Variants in ROCK2 observed in about 807,000 individuals in gnomAD.
ROCK2 encodes Rho associated coiled-coil containing protein kinase 2.
ROCK2 carries 61 observed loss-of-function variants against 195.1 expected under a neutral mutation model. The ratio of observed to expected loss-of-function variants is 0.31; its 90% CI spans 0.25 to 0.39. The LOEUF is 0.39. ROCK2 is among the 10% of genes least tolerant of loss of function. ROCK2 has a pLI of 1.00. For synonymous variants in ROCK2, 504 were observed against 545.5 expected (o/e 0.92, Z 1.06); for missense variants, 1,109 against 1,637.4 (o/e 0.68, Z 5.57).
intron 23 of ROCK2, among the ~76,000 whole-genome samples, chr2:11,199,734 T>A (rs1663785098): frequency 6.6e-6 from 1 of 152,232 alleles, no homozygotes; most frequent in Admixed American, 6.5e-5. Context: ...ATGTAATAGT[T>A]CCATCTTCTA....
chr2:11,197,792 A>C lies in ROCK2; in HGVS notation c.3100-87T>G. ...AGTATCTCATCAAGAGCAACAAGTT[A>C]TACAATCACAAATACTCTCCTTCCC... On this transcript the variant is annotated intron_variant, in intron 25 of 32. Transcript: ENST00000315872. The surrounding 1 kb of genome is among the most constrained non-coding windows in gnomAD (Gnocchi z 4.9). 2.3e-6 allele frequency: 2 copies of C among 860,946 alleles called. No homozygotes were observed. The highest frequency in any genetic ancestry group is 3.2e-6 in the Non-Finnish European group (2 of 619,052). The allele number at this position is 860,946 out of a possible 1,614,324, so 53.3% of individuals were successfully genotyped here.
chr2:11,201,922 A>G lies in ROCK2; in HGVS notation c.2619+130T>C. On this transcript the variant is annotated intron_variant, in intron 21 of 32. Coordinates refer to ENST00000315872, the MANE Select transcript of ROCK2 (RefSeq NM_004850.5). The surrounding 1 kb of genome is among the most constrained non-coding windows in gnomAD (Gnocchi z 4.6). ...TTAGAATTATTTTTCTAGCAATGATAATAAATTTCTCTTAAACTATCTACA... is the reference window on the plus strand; with the variant it reads ...TTAGAATTATTTTTCTAGCAATGATGATAAATTTCTCTTAAACTATCTACA... 1 of 660,858 alleles carries G rather than the reference A, an allele frequency of 1.5e-6. No homozygotes were observed. The highest frequency in any genetic ancestry group is 2.6e-5 in the East Asian group (1 of 38,896). The allele number at this position is 660,858 out of a possible 1,614,324, so 40.9% of individuals were successfully genotyped here. A position where few individuals can be genotyped will look rare whatever the true frequency, so the allele number is the denominator to read the frequency against.
intron 3 of ROCK2, among the ~76,000 whole-genome samples, chr2:11,264,146 AT>A (rs1666334986): frequency 6.6e-6 from 1 of 152,144 alleles, no homozygotes. Context: ...GATAGTGTGA[AT>A]TTATAGATGT....
At chr2:11,266,380 A>G (rs1484253951) in intron 3 of ROCK2, among the ~76,000 whole-genome samples, 4 of 152,210 alleles carry the variant, frequency 2.6e-5, no homozygotes, top group Admixed American at 2.6e-4. Context: ...TTTCAGCTCC[A>G]TTATAGTCTT....
In ROCK2 at chr2:11,197,511, A is replaced by C; in HGVS notation, c.3279+15T>G. ...AAAAGAAGTCTTCAGTCTAGAGTCC[A>C]AAAAGTATTCTTACTGCCTGCATTT... On this transcript the variant is annotated intron_variant, in intron 26 of 32. Transcript: ENST00000315872. This position sits in a 1 kb window ranked among gnomAD's most constrained non-coding sequence, Gnocchi z 4.9. 1.9e-6 allele frequency: 3 copies of C among 1,607,624 alleles called. No homozygotes were observed. The highest frequency in any genetic ancestry group is 2.2e-5 in the East Asian group (1 of 44,796).
intron 9 of ROCK2, among the ~76,000 whole-genome samples, chr2:11,219,784 T>C (rs1162163744): frequency 6.6e-6 from 1 of 151,874 alleles, no homozygotes; most frequent in Non-Finnish European, 1.5e-5. Context: ...TTCAGTGGCT[T>C]CCCAATGCCA....
At chr2:11,227,492 A>T in intron 5 of ROCK2, 94 bp from the exon 6 acceptor site, 5 of 1,179,552 alleles carry the variant, frequency 4.2e-6, no homozygotes, top group Non-Finnish European at 6.0e-6. Flanking sequence ...ATATACAATG[A>T]TTACATATTG....
At chr2:11,236,387 A>T (rs955162557) in intron 4 of ROCK2, among the ~76,000 whole-genome samples, 8 of 152,208 alleles carry the variant, frequency 5.3e-5, no homozygotes, top group African/African-American at 1.9e-4. Flanking sequence ...ATTTAAAAAA[A>T]TCTAGAGATA....
Position 11,191,157 on chromosome 2 carries a change from T to C in ROCK2, c.4163+991A>G, listed in dbSNP as rs565101945. ...AAAAGGATACCTGAAATCAGATACC[T>C]GATCAAAGGATATGCTTTTTCCTTT... On this transcript the variant is annotated intron_variant, in intron 32 of 32. Transcript: ENST00000315872. Among the ~76,000 whole-genome samples the C allele has an allele frequency of 2.6e-5, 4 of 152,346 alleles. No individual in the cohort carries two copies. The East Asian group carries it at 7.7e-4, about 29-fold the overall frequency.
chr2:11,208,769 T>G (rs1487711575), intron 18 of ROCK2, among the ~76,000 whole-genome samples: 3 of 152,066 alleles, frequency 2.0e-5, no homozygotes, highest in Non-Finnish European at 2.9e-5. Flanking sequence ...AGTTTTGTAT[T>G]TTTAGTAGAG....
At chr2:11,308,749 C>G in intron 1 of ROCK2, 1 of 1,612,378 alleles carries the variant, frequency 6.2e-7, no homozygotes, top group South Asian at 1.1e-5. Context: ...TCTTTGAATT[C>G]AAACACTACA....
At position 11,325,019 on chromosome 2, in the gene ROCK2, T is replaced by C. The variant is rs202089833; in HGVS notation, c.141+18977A>G. Among the ~76,000 whole-genome samples, 86 of 152,228 alleles carry C rather than the reference T, an allele frequency of 5.6e-4. 1 individual carries two copies. The highest frequency in any genetic ancestry group is 5.0e-3 in the East Asian group (26 of 5,204). ...TCAGCAACTTCCACTTGAAACACTT[T>C]TCTAAGGAAATCCCCTTCATGCTAT... On this transcript the variant is annotated intron_variant, in intron 1 of 32. Transcript: ENST00000315872.
In ROCK2 at chr2:11,318,616, T is replaced by C. The variant is rs975260291; in HGVS notation, c.141+25380A>G. ...AGCTCTTTAGTTTAATTAGATCCCA[T>C]GTGTCAATTCTGGCTTTTGTTGCCA... On this transcript the variant is annotated intron_variant, in intron 1 of 32. Transcript: ENST00000315872. 1.4e-4 allele frequency among the ~76,000 whole-genome samples: 22 copies of C among 152,214 alleles called. 1 individual carries two copies. The highest frequency in any genetic ancestry group is 2.5e-4 in the Non-Finnish European group (17 of 68,024).
In ROCK2 at chr2:11,287,695, A is replaced by T; in HGVS notation, c.183T>A (p.Ala61=). 7.6e-7 allele frequency: 1 copy of T among 1,322,444 alleles called. No individual in the cohort carries two copies. The allele number at this position is 1,322,444 out of a possible 1,614,324, so 81.9% of individuals were successfully genotyped here. Residue 61 remains alanine (A), a synonymous_variant, in exon 2 of 33, where the codon GCT becomes GCA. Transcript: ENST00000315872. The part of the protein sequence containing the change: ...NSLVLDLDFP[A]LRKNKNIDNF... ...TATCTATGTTCTTGTTTTTCCTCAAAGCAGGAAAATCTAAATCAAGGACCA... is the reference window on the plus strand; with the variant it reads ...TATCTATGTTCTTGTTTTTCCTCAATGCAGGAAAATCTAAATCAAGGACCA...
intron 1 of ROCK2, among the ~76,000 whole-genome samples, chr2:11,338,581 T>C (rs1345876410): frequency 6.6e-6 from 1 of 152,146 alleles, no homozygotes; most frequent in Non-Finnish European, 1.5e-5. Flanking sequence ...GGACTGTGCG[T>C]CGTCGGATTT....
chr2:11,319,640 G>A (rs1014866931), intron 1 of ROCK2, among the ~76,000 whole-genome samples: 3 of 152,018 alleles, frequency 2.0e-5, no homozygotes, highest in Non-Finnish European at 4.4e-5. Flanking sequence ...ACACTATGTT[G>A]AATAGGAGTG....
At chr2:11,283,425 G>GTAT (rs1667078779) in intron 3 of ROCK2, among the ~76,000 whole-genome samples, 1 of 149,706 alleles carries the variant, frequency 6.7e-6, no homozygotes, top group South Asian at 2.1e-4. Context: ...GCCGGGCGCG[G>GTAT]TGGCGGGCGC....
rs530804669 is a variant in ROCK2 at position 11,308,367 on chromosome 2, C to T, written c.142-20631G>A. On this transcript the variant is annotated intron_variant, in intron 1 of 32. Coordinates refer to ENST00000315872, the MANE Select transcript of ROCK2 (RefSeq NM_004850.5). Reference sequence around the variant, plus strand: ...TTCCCATTTGATGTTTAGCCTGTCCCATTAAGAAGAATTTTGGCACCTGGT... The same window carrying T: ...TTCCCATTTGATGTTTAGCCTGTCCTATTAAGAAGAATTTTGGCACCTGGT... 17 of 1,337,826 alleles carry T rather than the reference C, an allele frequency of 1.3e-5. No individual in the cohort carries two copies. The African/African-American group carries it at 1.6e-4, about 12-fold the overall frequency. The allele number at this position is 1,337,826 out of a possible 1,614,324, so 82.9% of individuals were successfully genotyped here.
At chr2:11,205,791 G>T (rs1664028740) in intron 20 of ROCK2, among the ~76,000 whole-genome samples, 1 of 152,018 alleles carries the variant, frequency 6.6e-6, no homozygotes, top group Admixed American at 6.6e-5. Context: ...ATTTATTGAG[G>T]ATGTAGTATA....
Sources: allele counts gnomAD v4.1 joint callset (sites outside exome capture counted in the v4.1 genomes callset), GRCh38; gene constraint gnomAD v4.1.1; non-coding constraint Gnocchi (gnomAD v3.1); transcripts MANE v1.5; gene names NCBI Gene and HGNC (gene_info 2026-07-23, HGNC 2026-07-21).